RBFOX1: variants seen among roughly 807,000 people sequenced by gnomAD.
The protein encoded by RBFOX1 is RNA binding protein fox-1 homolog 1.
In RBFOX1, 8 loss-of-function variants were observed where a neutral mutation model predicts 57.7. The ratio of observed to expected loss-of-function variants is 0.14; its 90% CI spans 0.08 to 0.25. RBFOX1 has a LOEUF of 0.25. Among genes scored for constraint, RBFOX1 ranks in the 10% least tolerant of loss-of-function variants. RBFOX1 has a pLI of 1.00. For missense variants in RBFOX1, 611 were observed against 548.5 expected (o/e 1.11, Z -1.14); for synonymous variants, 326 against 222.4 (o/e 1.47, Z -4.15).
At chr16:7,453,694 C>G (rs184074984) in intron 4 of RBFOX1, among the ~76,000 whole-genome samples, 28 of 152,190 alleles carry the variant, frequency 1.8e-4, no homozygotes, top group Non-Finnish European at 3.1e-4. Flanking sequence ...ACTGAGGGTG[C>G]CTGAGTGTAA....
At chr16:7,316,542 C>A (rs1216174740) in intron 4 of RBFOX1, among the ~76,000 whole-genome samples, 1 of 152,168 alleles carries the variant, frequency 6.6e-6, no homozygotes, top group African/African-American at 2.4e-5. Context: ...GGGATACAGA[C>A]AAGGAAAGCA....
At chr16:7,570,061 C>T (rs1472008676) in intron 5 of RBFOX1, among the ~76,000 whole-genome samples, 2 of 151,802 alleles carry the variant, frequency 1.3e-5, no homozygotes, top group Admixed American at 1.3e-4. Context: ...ATTTCAAAGA[C>T]ATCCTCCAAA....
chr16:6,604,542 A>G (rs913755588), intron 2 of RBFOX1, among the ~76,000 whole-genome samples: 1 of 152,210 alleles, frequency 6.6e-6, no homozygotes, highest in Non-Finnish European at 1.5e-5. Context: ...AGTTGCTTCA[A>G]ATACTTTAGA....
chr16:7,173,432 G>T (rs1374967618), intron 4 of RBFOX1, among the ~76,000 whole-genome samples: 1 of 152,130 alleles, frequency 6.6e-6, no homozygotes, highest in Admixed American at 6.5e-5. Context: ...TGCATTCAGT[G>T]ACTCTGAAAG....
chr16:7,108,535 G>C (rs927865209), intron 4 of RBFOX1, among the ~76,000 whole-genome samples: 4 of 152,124 alleles, frequency 2.6e-5, no homozygotes, highest in Non-Finnish European at 4.4e-5. Context: ...GTATATGGTG[G>C]TGCAGAAGGT....
intron 2 of RBFOX1, among the ~76,000 whole-genome samples, chr16:6,572,985 G>C (rs763557498): frequency 6.6e-6 from 1 of 152,126 alleles, no homozygotes; most frequent in Non-Finnish European, 1.5e-5. Context: ...CGGGGACCTT[G>C]AACTCAAGTC....
intron 3 of RBFOX1, among the ~76,000 whole-genome samples, chr16:6,885,195 C>A (rs2063738791): frequency 6.6e-6 from 1 of 152,152 alleles, no homozygotes; most frequent in South Asian, 2.1e-4. Context: ...AATGACTGAG[C>A]CATCACTTCA....
At chr16:6,778,597 A>G (rs888045782) in intron 3 of RBFOX1, among the ~76,000 whole-genome samples, 1 of 152,092 alleles carries the variant, frequency 6.6e-6, no homozygotes, top group African/African-American at 2.4e-5. Context: ...TGAAATCCAA[A>G]CGAGGACTAT....
chr16:6,493,191 G>C (rs1041597278), intron 2 of RBFOX1, among the ~76,000 whole-genome samples: 4 of 152,110 alleles, frequency 2.6e-5, no homozygotes, highest in African/African-American at 9.7e-5. Flanking sequence ...TAAATTGCTT[G>C]GAAAATATAT....
At chr16:6,817,811 A>C (rs753460956) in intron 3 of RBFOX1, among the ~76,000 whole-genome samples, 2 of 152,164 alleles carry the variant, frequency 1.3e-5, no homozygotes, top group Non-Finnish European at 2.9e-5. Context: ...CTTATTAACT[A>C]TAACTCAAGA....
At chr16:6,672,487 A>C (rs903229809) in intron 3 of RBFOX1, among the ~76,000 whole-genome samples, 9 of 151,836 alleles carry the variant, frequency 5.9e-5, no homozygotes, top group African/African-American at 2.2e-4. Context: ...AAAAAGAAAA[A>C]GGGAGGGAGG....
chr16:6,305,483 T>G (rs867401837), intron 1 of RBFOX1, among the ~76,000 whole-genome samples: 1 of 152,058 alleles, frequency 6.6e-6, no homozygotes, highest in Non-Finnish European at 1.5e-5. Context: ...CATACTCACA[T>G]GCATATGTCT....
chr16:5,960,155 C>T (rs1397633691), intron 4 of RBFOX1, among the ~76,000 whole-genome samples: 2 of 152,068 alleles, frequency 1.3e-5, no homozygotes, highest in Admixed American at 6.5e-5. Context: ...GAGCCAAGAT[C>T]GTGCCATTGC....
chr16:5,580,695 C>G (rs2046635906), intron 2 of RBFOX1, among the ~76,000 whole-genome samples: 1 of 152,170 alleles, frequency 6.6e-6, no homozygotes, highest in Non-Finnish European at 1.5e-5. Flanking sequence ...CACGGCATCT[C>G]ACACTGCCCT....
intron 4 of RBFOX1, among the ~76,000 whole-genome samples, chr16:7,230,177 CT>C (rs199821368): frequency 8.2e-5 from 12 of 146,972 alleles, no homozygotes; most frequent in South Asian, 2.2e-4. Context: ...ACTCATTTCA[CT>C]TTTTTTTTTA....
intron 1 of RBFOX1, among the ~76,000 whole-genome samples, chr16:6,207,550 C>G (rs958140472): frequency 6.6e-6 from 1 of 152,060 alleles, no homozygotes; most frequent in African/African-American, 2.4e-5. Context: ...AACTCGGTTT[C>G]TAAAATTTTT....
At chr16:5,462,263 G>A (rs577862693) in intron 1 of RBFOX1, among the ~76,000 whole-genome samples, 1 of 149,808 alleles carries the variant, frequency 6.7e-6, no homozygotes, top group Admixed American at 6.7e-5. Context: ...CCGCCTCCCG[G>A]GTTCACGCCA....
chr16:7,265,784 G>T (rs2095106939), intron 4 of RBFOX1, among the ~76,000 whole-genome samples: 1 of 151,912 alleles, frequency 6.6e-6, no homozygotes, highest in African/African-American at 2.4e-5. Context: ...AATCCCATCA[G>T]GAGGGATTAC....
intron 1 of RBFOX1, among the ~76,000 whole-genome samples, chr16:5,294,605 G>A (rs2063616663): frequency 6.6e-6 from 1 of 152,170 alleles, no homozygotes; most frequent in South Asian, 2.1e-4. Context: ...GCCGAGGACT[G>A]TACATATTGA....
Sources: allele counts gnomAD v4.1 joint callset (sites outside exome capture counted in the v4.1 genomes callset), GRCh38; gene constraint gnomAD v4.1.1; transcripts MANE v1.5; gene names NCBI Gene and HGNC (gene_info 2026-07-23, HGNC 2026-07-21).